The following DCBLD1 variants were observed in gnomAD, a reference collection of about 807,000 sequenced individuals.
DCBLD1 encodes the protein discoidin, CUB and LCCL domain containing 1.
Under a neutral mutation model 71.5 loss-of-function variants are expected in DCBLD1, and 57 were observed. The ratio of observed to expected loss-of-function variants is 0.80; its 90% CI spans 0.64 to 0.99. The LOEUF (loss-of-function observed/expected upper bound fraction) is 0.99. Ranked by LOEUF, DCBLD1 falls within the 50% of genes least tolerant of loss-of-function variation. The pLI is 0.00. For missense variants in DCBLD1, 891 were observed against 923.5 expected (o/e 0.96, Z 0.46); for synonymous variants, 380 against 363.8 (o/e 1.04, Z -0.51).
chr6:117,540,337 T>G (rs1779048465), intron 9 of DCBLD1: 1 of 215,856 alleles, frequency 4.6e-6, no homozygotes. Flanking sequence ...ATGGCAAAAG[T>G]GAGAGAGCTG....
rs1348800441 is a variant in DCBLD1, at chr6:117,547,718, G to A, written c.1616-189G>A. ...CTGCGAAGCTTCCTGAGCAGGCGGT[G>A]CGGTTGTGTACTGCCTGCGGGTGGC... On this transcript the variant is annotated intron_variant, in intron 14 of 14. Transcript: ENST00000338728. The A allele has an allele frequency of 2.6e-4, 319 of 1,220,744 alleles. 1 individual carries two copies. The highest frequency in any genetic ancestry group is 2.6e-5 in the Non-Finnish European group (22 of 846,688). 75.6% of individuals were successfully genotyped at this position (1,220,744 alleles called of 1,614,324 possible). A position where few individuals can be genotyped will look rare whatever the true frequency, so the allele number is the denominator to read the frequency against.
intron 14 of DCBLD1, among the ~76,000 whole-genome samples, chr6:117,559,673 C>A (rs190018375): frequency 3.7e-4 from 57 of 152,208 alleles, no homozygotes; most frequent in Non-Finnish European, 7.9e-4. Flanking sequence ...ATATTCAGCA[C>A]CAACAGTGCA....
chr6:117,505,017 A>G (rs926053529), intron 2 of DCBLD1, among the ~76,000 whole-genome samples: 1 of 152,196 alleles, frequency 6.6e-6, no homozygotes, highest in Non-Finnish European at 1.5e-5. Context: ...AGCCCAGATC[A>G]GCCCTGAGAC....
chr6:117,510,084 C>T (rs533282494), intron 2 of DCBLD1, among the ~76,000 whole-genome samples: 1 of 152,212 alleles, frequency 6.6e-6, no homozygotes, highest in South Asian at 2.1e-4. Flanking sequence ...TAATTTCTTT[C>T]CTTAGTTCAA....
downstream of DCBLD1, among the ~76,000 whole-genome samples, chr6:117,551,119 C>T (rs553039668): frequency 6.6e-6 from 1 of 152,194 alleles, no homozygotes; most frequent in Non-Finnish European, 1.5e-5. Flanking sequence ...GATAAATTCC[C>T]CTAGGGGCTT....
intron 4 of DCBLD1, among the ~76,000 whole-genome samples, chr6:117,522,379 C>G (rs2114494723): frequency 1.3e-5 from 2 of 152,168 alleles, no homozygotes; most frequent in East Asian, 3.9e-4. Context: ...AGAATCGCCC[C>G]CAGTGGAGAG....
In DCBLD1 at chr6:117,548,044, G is replaced by A. The variant is rs1403982112; in HGVS notation, c.1753G>A (p.Gly585Ser). 6 of 1,549,272 alleles carry A rather than the reference G, an allele frequency of 3.9e-6. No homozygotes were observed. Among genetic ancestry groups the A allele is most frequent in the South Asian group, 1.2e-5 (1 of 83,968 alleles). ...GGHYDCPQRA[G>S]RHEYALPLAP... Reference sequence around the variant, plus strand: ...CCACTATGACTGCCCGCAGCGGGCCGGCCGCCACGAGTACGCGCTGCCCCT... The same window carrying A: ...CCACTATGACTGCCCGCAGCGGGCCAGCCGCCACGAGTACGCGCTGCCCCT... Residue 585 changes from glycine to serine, a missense_variant, in exon 15 of 15, where the codon GGC becomes AGC. Physicochemically the swap from Gly to Ser is moderately conservative, Grantham distance 56 (BLOSUM62 0). Coordinates refer to ENST00000338728, the MANE Select transcript of DCBLD1 (RefSeq NM_001366458.2).
chr6:117,540,898 C>T lies in DCBLD1; in HGVS notation c.1250-20C>T, dbSNP rs746840023. ...ATCATTGTTACTCATGTGGTTTTCC[C>T]GACATCCCTCCTCTCTCAGGTAATG... On this transcript the variant is annotated intron_variant, in intron 10 of 14. Coordinates refer to ENST00000338728, the MANE Select transcript of DCBLD1 (RefSeq NM_001366458.2). The T allele has an allele frequency of 9.9e-6, 16 of 1,613,782 alleles. No individual in the cohort carries two copies. Among genetic ancestry groups the T allele is most frequent in the Admixed American group, 5.0e-5 (3 of 60,002 alleles).
chr6:117,503,973 C>G lies in DCBLD1; in HGVS notation c.319C>G (p.Gln107Glu). 3 of 1,613,846 alleles carry G rather than the reference C, an allele frequency of 1.9e-6. No homozygotes were observed. Among genetic ancestry groups the G allele is most frequent in the Non-Finnish European group, 2.5e-6 (3 of 1,179,878 alleles). ...DYLLFTSSSDQYGPYCGSMTV... is the reference protein window; with the variant it reads ...DYLLFTSSSDEYGPYCGSMTV... ...TCTTCTCTTCACCAGCTCTTCAGAT[C>G]AATATGGTAAGAAAAGAGAACTAGG... Residue 107 changes from glutamine (Q) to glutamate (E), a missense_variant, in exon 2 of 15, where the codon CAA (glutamine) becomes GAA (glutamate). Physicochemically the swap from Gln to Glu is conservative, Grantham distance 29 (BLOSUM62 2). Transcript: ENST00000338728.
At position 117,544,538 on chromosome 6, in the gene DCBLD1, AAAGG is replaced by A; in HGVS notation, c.1460_1463del (p.Gly487ValfsTer39). On this transcript the variant is annotated frameshift_variant, in exon 13 of 15. Coordinates refer to ENST00000338728, the MANE Select transcript of DCBLD1 (RefSeq NM_001366458.2). LOFTEE classifies it high-confidence loss of function. ...TTTTTGTCTTGATAGGAAGAAGAAG[AAAGG>A]AAGTCCGTATGGATCAGCAGAGGCT... 1.2e-6 allele frequency: 2 copies of A among 1,613,698 alleles called. No individual in the cohort carries two copies. The highest frequency in any genetic ancestry group is 1.7e-6 in the Non-Finnish European group (2 of 1,179,930).
intron 14 of DCBLD1, among the ~76,000 whole-genome samples, chr6:117,564,600 C>A (rs1779656356): frequency 6.6e-6 from 1 of 152,090 alleles, no homozygotes; most frequent in Admixed American, 6.6e-5. Flanking sequence ...CCAATAGATA[C>A]ATTTTTTTAA....
At chr6:117,519,395 C>T (rs1778310162) in intron 2 of DCBLD1, among the ~76,000 whole-genome samples, 1 of 152,090 alleles carries the variant, frequency 6.6e-6, no homozygotes, top group Non-Finnish European at 1.5e-5. Context: ...AAATTCTTAC[C>T]ATGCTTTGCA....
intron 7 of DCBLD1, among the ~76,000 whole-genome samples, chr6:117,537,622 G>GT (rs1554267050): frequency 0.025 from 754 of 30,098 alleles, 17 homozygotes; most frequent in African/African-American, 0.063. Context: ...TTAAAAGGTT[G>GT]TTTTTTTTTT....
intron 2 of DCBLD1, 109 bp from the exon 3 acceptor site, chr6:117,519,707 C>T (rs1244041014): frequency 9.6e-6 from 13 of 1,350,434 alleles, no homozygotes; most frequent in Middle Eastern, 2.2e-4. Flanking sequence ...TATAATCATA[C>T]ATATGTATTG....
intron 14 of DCBLD1, chr6:117,562,579 A>G (rs1562134873): frequency 4.9e-6 from 1 of 202,854 alleles, no homozygotes; most frequent in Non-Finnish European, 1.0e-5. Flanking sequence ...AAAAAAAGTA[A>G]AATGTTTAGT....
intron 13 of DCBLD1, among the ~76,000 whole-genome samples, chr6:117,545,003 G>T (rs1284568120): frequency 6.8e-6 from 1 of 147,476 alleles, no homozygotes; most frequent in East Asian, 2.2e-4. Flanking sequence ...CTGCACACCA[G>T]CCCCGTCTGG....
In DCBLD1 at chr6:117,548,222, G is replaced by C. The variant is rs1021182837; in HGVS notation, c.1931G>C (p.Gly644Ala). The C allele has an allele frequency of 8.4e-6, 13 of 1,550,456 alleles. No homozygotes were observed. In the Admixed American group the frequency reaches 1.6e-4, roughly 19 times the overall value. ...TCGGGCGGCTTCTCCCCCGTAGCGGGTGTGGGCGCCCAGGACGGAGACTAT... is the reference window on the plus strand; with the variant it reads ...TCGGGCGGCTTCTCCCCCGTAGCGGCTGTGGGCGCCCAGGACGGAGACTAT... ...LSSGGFSPVA[G>A]VGAQDGDYQR... is the part of the protein sequence containing the mutation. The change falls in exon 15 of 15, where the codon GGT becomes GCT. Residue 644 changes from glycine to alanine, a missense_variant. Physicochemically the swap from Gly to Ala is moderately conservative, Grantham distance 60 (BLOSUM62 0). Coordinates refer to ENST00000338728, the MANE Select transcript of DCBLD1 (RefSeq NM_001366458.2).
At chr6:117,496,973 A>G (rs1777493442) in intron 1 of DCBLD1, among the ~76,000 whole-genome samples, 1 of 152,210 alleles carries the variant, frequency 6.6e-6, no homozygotes, top group South Asian at 2.1e-4. Flanking sequence ...CCATAATAAT[A>G]ATTTTAAAAA....
downstream of DCBLD1, among the ~76,000 whole-genome samples, chr6:117,550,856 G>A (rs1397376752): frequency 6.6e-6 from 1 of 152,254 alleles, no homozygotes; most frequent in Non-Finnish European, 1.5e-5. Context: ...TCTGAGAGCA[G>A]TGTTTACCCT....
Sources: gnomAD v4.1 joint callset for allele counts (sites outside exome capture counted in the v4.1 genomes callset) on GRCh38, gnomAD v4.1.1 for gene constraint, MANE v1.5 for transcripts, NCBI Gene and HGNC (gene_info 2026-07-23, HGNC 2026-07-21) for gene names.